RPRD2: variants seen among roughly 807,000 people sequenced by gnomAD.
RPRD2 encodes regulation of nuclear pre-mRNA domain-containing protein 2.
Under a neutral mutation model 104.4 loss-of-function variants are expected in RPRD2, and 12 were observed. That is an observed-to-expected ratio of 0.11 (90% confidence interval 0.07 to 0.19). The LOEUF is 0.19. RPRD2 is among the 10% of genes least tolerant of loss of function. RPRD2 has a pLI of 1.00. For missense variants in RPRD2, 1,543 were observed against 1,790.1 expected (o/e 0.86, Z 2.49); for synonymous variants, 714 against 684.9 (o/e 1.04, Z -0.66).
At chr1:150,416,688 A>C (rs1664351891) in intron 1 of RPRD2, among the ~76,000 whole-genome samples, 1 of 151,812 alleles carries the variant, frequency 6.6e-6, no homozygotes, top group African/African-American at 2.4e-5. Flanking sequence ...TGGCCAACAT[A>C]ATAAAACCCT....
intron 1 of RPRD2, among the ~76,000 whole-genome samples, chr1:150,415,084 G>T (rs1664234591): frequency 6.6e-6 from 1 of 152,080 alleles, no homozygotes; most frequent in South Asian, 2.1e-4. Context: ...CAGCACTTTG[G>T]GAGGCCAAGG....
intron 1 of RPRD2, among the ~76,000 whole-genome samples, chr1:150,410,666 C>G (rs1162252860): frequency 6.6e-6 from 1 of 152,160 alleles, no homozygotes; most frequent in Non-Finnish European, 1.5e-5. Context: ...ACTGTTTGAG[C>G]ATATGTTGCA....
In RPRD2 at chr1:150,364,410, G is replaced by A. The variant is rs1553876727; in HGVS notation, c.-305G>A. On this transcript the variant is annotated 5_prime_UTR_variant, in exon 1 of 11. Coordinates refer to ENST00000369068, the MANE Select transcript of RPRD2 (RefSeq NM_015203.5). Reference sequence around the variant, plus strand: ...TCAGGCGTTTTGAAAGGCTTTGCAGGTCCTGTTTTCTGCGTAATTTTTCCG... The same window carrying A: ...TCAGGCGTTTTGAAAGGCTTTGCAGATCCTGTTTTCTGCGTAATTTTTCCG... Among the ~76,000 whole-genome samples, 1 of 152,044 alleles carries A rather than the reference G, an allele frequency of 6.6e-6. No individual in the cohort carries two copies. Among genetic ancestry groups the A allele is most frequent in the Non-Finnish European group, 1.5e-5 (1 of 68,002 alleles).
At chr1:150,442,187 G>T (rs1292752637) in intron 4 of RPRD2, among the ~76,000 whole-genome samples, 5 of 151,438 alleles carry the variant, frequency 3.3e-5, no homozygotes, top group Admixed American at 2.0e-4. Flanking sequence ...GCAGAAAAGG[G>T]TTTAATTGAG....
chr1:150,453,199 A>T (rs1051987009), intron 7 of RPRD2, among the ~76,000 whole-genome samples: 1 of 151,528 alleles, frequency 6.6e-6, no homozygotes, highest in African/African-American at 2.4e-5. Context: ...CGCCCAGCTA[A>T]TTTTTGTATT....
intron 2 of RPRD2, among the ~76,000 whole-genome samples, chr1:150,426,884 C>G (rs1191766443): frequency 6.6e-6 from 1 of 152,194 alleles, no homozygotes; most frequent in Non-Finnish European, 1.5e-5. Flanking sequence ...CTATGGCTCG[C>G]GCCTGTAATC....
At position 150,473,248 on chromosome 1, in the gene RPRD2, C is replaced by T. The variant is rs755664607; in HGVS notation, c.4300C>T (p.His1434Tyr). Residue 1434 changes from histidine to tyrosine, a missense_variant, in exon 11 of 11, where the codon CAC (histidine) becomes TAC (tyrosine). This residue lies in a region of RPRD2 where 880 missense variants were observed against 885.6 expected (regional missense o/e 0.99). Transcript: ENST00000369068. Reference sequence around the variant, plus strand: ...ACCTTTTCTCAGCAGAGACCCATTTCACAGTTTAAAGAGACCCAGGCCACC... The same window carrying T: ...ACCTTTTCTCAGCAGAGACCCATTTTACAGTTTAAAGAGACCCAGGCCACC... ...REPFLSRDPF[H>Y]SLKRPRPPFA... 6.2e-7 allele frequency: 1 copy of T among 1,613,958 alleles called. No homozygotes were observed. The highest frequency in any genetic ancestry group is 1.3e-5 in the African/African-American group (1 of 75,054).
rs184756512 is a variant in RPRD2, at chr1:150,372,445, A to G, written c.205+7526A>G. Reference sequence around the variant, plus strand: ...GCAGAGGTTGCAGTGAGCCATGATCATGCCAGCCTGGGCAACAGAGTGAGA... The same window carrying G: ...GCAGAGGTTGCAGTGAGCCATGATCGTGCCAGCCTGGGCAACAGAGTGAGA... On this transcript the variant is annotated intron_variant, in intron 1 of 10. Coordinates refer to ENST00000369068, the MANE Select transcript of RPRD2 (RefSeq NM_015203.5). Among the ~76,000 whole-genome samples, 6 of 151,930 alleles carry G rather than the reference A, an allele frequency of 3.9e-5. No homozygotes were observed. In the East Asian group the frequency reaches 1.2e-3, roughly 29 times the overall value.
At position 150,472,104 on chromosome 1, in the gene RPRD2, T is replaced by C; in HGVS notation, c.3156T>C (p.Thr1052=). 1 of 1,613,860 alleles carries C rather than the reference T, an allele frequency of 6.2e-7. No homozygotes were observed. The highest frequency in any genetic ancestry group is 8.5e-7 in the Non-Finnish European group (1 of 1,179,898). The change falls in exon 11 of 11, where the codon ACT becomes ACC. Residue 1052 remains threonine, a synonymous_variant. Coordinates refer to ENST00000369068, the MANE Select transcript of RPRD2 (RefSeq NM_015203.5). Reference sequence around the variant, plus strand: ...TCACCCAACCCAGCTTGACCGCCACTGATCAGCAGCAACAAGAAGAGCACT... The same window carrying C: ...TCACCCAACCCAGCTTGACCGCCACCGATCAGCAGCAACAAGAAGAGCACT... ...SNLTQPSLTA[T]DQQQQEEHYR... is the part of the protein sequence containing the mutation.
chr1:150,451,880 C>T (rs1667203188), intron 7 of RPRD2, among the ~76,000 whole-genome samples: 1 of 151,860 alleles, frequency 6.6e-6, no homozygotes, highest in Admixed American at 6.6e-5. Flanking sequence ...ATGGCTCACA[C>T]CTGTAATCCC....
At chr1:150,466,701 C>T (rs1226910918) in intron 10 of RPRD2, among the ~76,000 whole-genome samples, 3 of 151,240 alleles carry the variant, frequency 2.0e-5, no homozygotes, top group Non-Finnish European at 3.0e-5. Context: ...CTCATTTGAC[C>T]CTTTCTGTTC....
At position 150,384,489 on chromosome 1, in the gene RPRD2, TATTAGG is replaced by T. The variant is rs1194940149; in HGVS notation, c.205+19571_205+19576del. On this transcript the variant is annotated intron_variant, in intron 1 of 10. Coordinates refer to ENST00000369068, the MANE Select transcript of RPRD2 (RefSeq NM_015203.5). The stretch of plus-strand genomic sequence containing the variant: ...TTATTATTATTATTATTATTATTAT[TATTAGG>T]GATGGAGCTCTTGTTGCCCAGGCTG... Among the ~76,000 whole-genome samples, 286 of 148,268 alleles carry T rather than the reference TATTAGG, an allele frequency of 1.9e-3. 3 individuals are homozygous for T. Among genetic ancestry groups the T allele is most frequent in the African/African-American group, 6.9e-3 (279 of 40,400 alleles).
Position 150,472,051 on chromosome 1 carries a change from C to T in RPRD2, c.3103C>T (p.Pro1035Ser). ...HFGQAPSKGT[P>S]SDGVSLSNLT... is the part of the protein sequence containing the mutation. ...TGGCCAGGCTCCCAGCAAGGGCACT[C>T]CAAGTGATGGTGTCAGTCTCTCAAA... The change falls in exon 11 of 11, where the codon CCA becomes TCA. Residue 1035 changes from proline to serine, a missense_variant. Physicochemically the swap from Pro to Ser is moderately conservative, Grantham distance 74 (BLOSUM62 -1). This residue lies in a region of RPRD2 where 880 missense variants were observed against 885.6 expected (regional missense o/e 0.99). Coordinates refer to ENST00000369068, the MANE Select transcript of RPRD2 (RefSeq NM_015203.5). The T allele has an allele frequency of 6.2e-7, 1 of 1,613,858 alleles. No homozygotes were observed.
chr1:150,438,289 A>G (rs1666157973), intron 2 of RPRD2, among the ~76,000 whole-genome samples: 1 of 147,448 alleles, frequency 6.8e-6, no homozygotes. Context: ...GACTCATCTC[A>G]AGAAAAGAAA....
intron 1 of RPRD2, among the ~76,000 whole-genome samples, chr1:150,382,878 G>A (rs181800832): frequency 6.6e-6 from 1 of 152,160 alleles, no homozygotes; most frequent in East Asian, 1.9e-4. Context: ...AAGAGATAAG[G>A]TTTCACCACG....
intron 1 of RPRD2, among the ~76,000 whole-genome samples, chr1:150,398,206 A>ATTTTATTTTAT (rs1187194947): frequency 1.5e-5 from 2 of 129,782 alleles, no homozygotes; most frequent in African/African-American, 2.9e-5. Context: ...ATTTTATTTT[A>ATTTTATTTTAT]TTTTTTTTGA....
At chr1:150,455,629 T>TA (rs59418711) in intron 7 of RPRD2, among the ~76,000 whole-genome samples, 2,285 of 141,142 alleles carry the variant, frequency 0.016, 52 homozygotes, top group African/African-American at 0.051. Flanking sequence ...GGACATTAGG[T>TA]AAAAAAAAAA....
chr1:150,470,418 GT>G, intron 10 of RPRD2, 142 bp from the exon 11 acceptor site: 1 of 749,888 alleles, frequency 1.3e-6, no homozygotes, highest in Admixed American at 2.9e-5. Context: ...GCCATTGCTT[GT>G]TTGGTCTGGA....
intron 5 of RPRD2, among the ~76,000 whole-genome samples, chr1:150,443,891 G>A (rs1244900019): frequency 4.6e-5 from 7 of 151,540 alleles, no homozygotes; most frequent in African/African-American, 1.5e-4. Flanking sequence ...GGTGGCGGGC[G>A]CCTGTAGTCC....
Sources: allele counts gnomAD v4.1 joint callset (sites outside exome capture counted in the v4.1 genomes callset), GRCh38; gene constraint gnomAD v4.1.1; regional missense constraint gnomAD v4.1.1; transcripts MANE v1.5; gene names NCBI Gene and HGNC (gene_info 2026-07-23, HGNC 2026-07-21).